ERGIC3: variants seen among roughly 807,000 people sequenced by gnomAD.
The protein encoded by ERGIC3 is ERGIC and golgi 3, also known as endoplasmic reticulum-Golgi intermediate compartment protein 3.
In ERGIC3, 33 loss-of-function variants were observed where a neutral mutation model predicts 54.7. The ratio of observed to expected loss-of-function variants is 0.60; its 90% CI spans 0.46 to 0.81. ERGIC3 has a LOEUF of 0.81. ERGIC3 is among the 30% of genes least tolerant of loss of function. The probability of loss-of-function intolerance (pLI) is 0.00; values close to 1 mark genes in which losing one functional copy is unlikely to be tolerated. For synonymous variants in ERGIC3, 186 were observed against 189.8 expected (o/e 0.98, Z 0.16); for missense variants, 399 against 488.4 (o/e 0.82, Z 1.73).
intron 7 of ERGIC3, among the ~76,000 whole-genome samples, chr20:35,553,798 G>T (rs2064696027): frequency 6.6e-6 from 1 of 152,200 alleles, no homozygotes; most frequent in African/African-American, 2.4e-5. Flanking sequence ...ACAAGGTCTG[G>T]CGGGCACTCA....
At chr20:35,555,399 A>T (rs949928095) in intron 8 of ERGIC3, among the ~76,000 whole-genome samples, 4 of 152,184 alleles carry the variant, frequency 2.6e-5, no homozygotes, top group Admixed American at 6.5e-5. Context: ...GGACCAGACC[A>T]CACCGGACTC....
intron 4 of ERGIC3, 178 bp downstream of exon 4, chr20:35,543,119 A>G (rs939049917): frequency 2.7e-6 from 2 of 743,728 alleles, no homozygotes; most frequent in Non-Finnish European, 4.3e-6. Flanking sequence ...AAAATCCTCT[A>G]TACATATCGA....
rs1201444463 is a variant in ERGIC3 at position 35,548,847 on chromosome 20, C to T, written c.667C>T (p.Gln223Ter). The change falls in exon 7 of 13, where the codon CAG (glutamine) becomes TAG (stop). Residue 223 changes from glutamine to a stop codon, truncating the protein, a stop_gained. Transcript: ENST00000348547. LOFTEE classifies it high-confidence loss of function. ...NFHFAPGKSFQQSHVHVHDLQ... is the reference protein window; with the variant it reads ...NFHFAPGKSF Reference sequence around the variant, plus strand: ...CCACTTTGCCCCTGGGAAGAGCTTCCAGCAGTCCCATGTGCACGGTGAGTG... The same window carrying T: ...CCACTTTGCCCCTGGGAAGAGCTTCTAGCAGTCCCATGTGCACGGTGAGTG... The T allele has an allele frequency of 1.2e-6, 2 of 1,614,214 alleles. No homozygotes were observed. Among genetic ancestry groups the T allele is most frequent in the Non-Finnish European group, 8.5e-7 (1 of 1,180,024 alleles).
chr20:35,556,147 A>C lies in ERGIC3; in HGVS notation c.814+18A>C, dbSNP rs759228134. On this transcript the variant is annotated intron_variant, in intron 9 of 12. Transcript: ENST00000348547. ...GCCCCAAGGTACCAGCCCGGGAGGCAGCCCCCAGCCGCAGAAGGCCGGCCG... is the reference window on the plus strand; with the variant it reads ...GCCCCAAGGTACCAGCCCGGGAGGCCGCCCCCAGCCGCAGAAGGCCGGCCG... 6 of 1,614,164 alleles carry C rather than the reference A, an allele frequency of 3.7e-6. No homozygotes were observed. Among genetic ancestry groups the C allele is most frequent in the Non-Finnish European group, 5.1e-6 (6 of 1,180,014 alleles).
chr20:35,549,044 G>C (rs1021617730), intron 7 of ERGIC3, 179 bp downstream of exon 7: 7 of 721,196 alleles, frequency 9.7e-6, no homozygotes, highest in Admixed American at 2.1e-5. Flanking sequence ...GAGCCAGACT[G>C]CCTGCATTCA....
rs778684359 is a variant in ERGIC3 at position 35,554,361 on chromosome 20, C to T, written c.686-683C>T. On this transcript the variant is annotated intron_variant, in intron 7 of 12. Coordinates refer to ENST00000348547, the MANE Select transcript of ERGIC3 (RefSeq NM_015966.3). Reference sequence around the variant, plus strand: ...ATCTTTCTTCTCTCTCCTCCCTCCCCCATGCTGCAGTACATGCTGTGGAGA... The same window carrying T: ...ATCTTTCTTCTCTCTCCTCCCTCCCTCATGCTGCAGTACATGCTGTGGAGA... The T allele has an allele frequency of 3.7e-6, 6 of 1,614,196 alleles. No individual in the cohort carries two copies. In the Admixed American group the frequency reaches 8.3e-5, roughly 22 times the overall value.
chr20:35,544,901 C>T (rs2064639917), intron 4 of ERGIC3: 1 of 151,514 alleles, frequency 6.6e-6, no homozygotes, highest in South Asian at 2.1e-4. Context: ...CTCCCGGCTT[C>T]AAGTGATTCA....
At position 35,556,278 on chromosome 20, in the gene ERGIC3, C is replaced by A; in HGVS notation, c.879+7C>A. The A allele has an allele frequency of 6.2e-7, 1 of 1,613,968 alleles. No homozygotes were observed. The highest frequency in any genetic ancestry group is 1.1e-5 in the South Asian group (1 of 91,054). On this transcript the variant is annotated splice_region_variant and intron_variant, in intron 10 of 12. Coordinates refer to ENST00000348547, the MANE Select transcript of ERGIC3 (RefSeq NM_015966.3). ...CATGAAGGTGGACGGAGAGGTGAGT[C>A]AGGGAGCTCCCTACCAGAGTCTCCT...
chr20:35,546,453 G>A (rs1296256801), intron 4 of ERGIC3, among the ~76,000 whole-genome samples: 3 of 152,182 alleles, frequency 2.0e-5, no homozygotes, highest in Non-Finnish European at 4.4e-5. Context: ...CCTAAGGAGA[G>A]AGGAGAAGGT....
intron 7 of ERGIC3, chr20:35,549,690 G>A (rs1401361215): frequency 6.2e-6 from 1 of 161,370 alleles, no homozygotes; most frequent in Admixed American, 6.2e-5. Flanking sequence ...AGGCTGGAGT[G>A]CAGTGGCATG....
chr20:35,555,124 G>T, intron 8 of ERGIC3, 49 bp downstream of exon 8: 1 of 1,604,768 alleles, frequency 6.2e-7, no homozygotes, highest in Non-Finnish European at 8.5e-7. Context: ...TGGGAGGCTT[G>T]GTTGCTGCCT....
chr20:35,543,471 A>C (rs1488400363), intron 4 of ERGIC3: 4 of 374,178 alleles, frequency 1.1e-5, no homozygotes, highest in Non-Finnish European at 2.2e-5. Context: ...AGATCAAATG[A>C]AGTCATATGT....
chr20:35,549,381 C>G, intron 7 of ERGIC3: 1 of 375,210 alleles, frequency 2.7e-6, no homozygotes, highest in Non-Finnish European at 5.4e-6. Context: ...ATAGTACCCA[C>G]TCACAGGGCT....
chr20:35,549,087 C>A (rs934370900), intron 7 of ERGIC3: 8 of 667,812 alleles, frequency 1.2e-5, no homozygotes, highest in Non-Finnish European at 2.0e-5. Context: ...GGCTGTGTGA[C>A]TTTGAGAAGG....
At chr20:35,546,897 G>A (rs190039447) in intron 4 of ERGIC3, among the ~76,000 whole-genome samples, 4 of 152,264 alleles carry the variant, frequency 2.6e-5, no homozygotes, top group East Asian at 1.9e-4. Flanking sequence ...ATCATGAGTC[G>A]GGAGGTCAGT....
chr20:35,552,171 G>C (rs539163119), intron 7 of ERGIC3, among the ~76,000 whole-genome samples: 2 of 152,182 alleles, frequency 1.3e-5, no homozygotes, highest in Non-Finnish European at 2.9e-5. Context: ...TAGGGTGGTA[G>C]CTGGTGTGGC....
chr20:35,542,084 TC>T lies in ERGIC3; in HGVS notation c.-12del. ...GGGGCGGGCCGGCTGGCGTCCCCTT[TC>T]CGGCCGGTCCCCATGGAGGCGCTGG... On this transcript the variant is annotated 5_prime_UTR_variant, in exon 1 of 13. Transcript: ENST00000348547. 1 of 1,518,548 alleles carries T rather than the reference TC, an allele frequency of 6.6e-7. No homozygotes were observed. The highest frequency in any genetic ancestry group is 8.8e-7 in the Non-Finnish European group (1 of 1,136,274). 94.1% of individuals were successfully genotyped at this position (1,518,548 alleles called of 1,614,324 possible).
At chr20:35,549,959 C>G (rs1005344208) in intron 7 of ERGIC3, among the ~76,000 whole-genome samples, 1 of 151,956 alleles carries the variant, frequency 6.6e-6, no homozygotes, top group Non-Finnish European at 1.5e-5. Context: ...TTTCAACTTG[C>G]AATGGGTTTA....
At chr20:35,548,123 G>T (rs899500095) in intron 5 of ERGIC3, among the ~76,000 whole-genome samples, 1 of 152,122 alleles carries the variant, frequency 6.6e-6, no homozygotes, top group African/African-American at 2.4e-5. Flanking sequence ...GTGTCATGCA[G>T]TCACCACTCT....
Sources: allele counts gnomAD v4.1 joint callset (sites outside exome capture counted in the v4.1 genomes callset), GRCh38; gene constraint gnomAD v4.1.1; transcripts MANE v1.5; gene names NCBI Gene and HGNC (gene_info 2026-07-23, HGNC 2026-07-21).